SPRR2B: variants seen among roughly 807,000 people sequenced by gnomAD.
SPRR2B encodes small proline-rich protein 2B.
A neutral mutation model predicts 1.0 loss-of-function variants in SPRR2B; 1 was observed. The observed-to-expected ratio is 1.01, with a 90% CI of 0.36 to 4.77. The LOEUF (loss-of-function observed/expected upper bound fraction) is 4.77, where lower values mean the gene tolerates loss of function less well. Among genes scored for constraint, SPRR2B ranks in the 30% most tolerant of loss-of-function variants. The pLI is 0.16. For synonymous variants in SPRR2B, 27 were observed against 33.4 expected (o/e 0.81, Z 0.66); for missense variants, 53 against 88.7 (o/e 0.60, Z 1.62).
chr1:153,084,086 A>G, the SPRR2B span, among the ~76,000 whole-genome samples: 1 of 152,156 alleles, frequency 6.6e-6, no homozygotes, highest in African/African-American at 2.4e-5. Context: ...CCCACATTTT[A>G]GCCTTTGTGC....
chr1:153,077,977 T>C, the SPRR2B span, among the ~76,000 whole-genome samples: 2 of 152,104 alleles, frequency 1.3e-5, no homozygotes, highest in Non-Finnish European at 2.9e-5. Context: ...AATAAAATCA[T>C]TTTACTACAA....
the SPRR2B span, among the ~76,000 whole-genome samples, chr1:153,081,135 C>T: frequency 9.2e-5 from 14 of 152,108 alleles, no homozygotes; most frequent in African/African-American, 3.1e-4. Context: ...AGACACCTAC[C>T]GTGACACACC....
At chr1:153,086,868 TAAC>T in the SPRR2B span, among the ~76,000 whole-genome samples, 4 of 152,058 alleles carry the variant, frequency 2.6e-5, no homozygotes, top group African/African-American at 9.7e-5. Flanking sequence ...ACTGAAATAA[TAAC>T]AACCAATTTC....
At chr1:153,074,237 C>T (rs1654731227), upstream of SPRR2B, among the ~76,000 whole-genome samples, 1 of 152,084 alleles carries the variant, frequency 6.6e-6, no homozygotes, top group Non-Finnish European at 1.5e-5. Context: ...TCACGGAGAT[C>T]CATTCACTTT....
the SPRR2B span, among the ~76,000 whole-genome samples, chr1:153,085,380 T>C: frequency 1.3e-5 from 2 of 152,196 alleles, no homozygotes; most frequent in Non-Finnish European, 2.9e-5. Flanking sequence ...TTTTTTGTTA[T>C]GTCATAATGC....
chr1:153,079,433 C>T, the SPRR2B span, among the ~76,000 whole-genome samples: 1 of 152,146 alleles, frequency 6.6e-6, no homozygotes, highest in Non-Finnish European at 1.5e-5. Flanking sequence ...GCATGAAGTC[C>T]TTGCCCATGC....
the SPRR2B span, among the ~76,000 whole-genome samples, chr1:153,079,661 G>C: frequency 5.9e-5 from 9 of 152,144 alleles, no homozygotes; most frequent in Non-Finnish European, 1.2e-4. Context: ...GTTTGTCAAA[G>C]ATCAGATGGT....
At chr1:153,075,247 GC>G (rs1215549801), upstream of SPRR2B, among the ~76,000 whole-genome samples, 1 of 152,022 alleles carries the variant, frequency 6.6e-6, no homozygotes, top group Non-Finnish European at 1.5e-5. Context: ...GGAGGCTGAG[GC>G]ACAGAATTGC....
chr1:153,084,991 T>C, the SPRR2B span, among the ~76,000 whole-genome samples: 5 of 152,206 alleles, frequency 3.3e-5, no homozygotes, highest in African/African-American at 1.2e-4. Context: ...AACCTCAAGG[T>C]TATCAAATGA....
At chr1:153,077,083 G>C in the SPRR2B span, among the ~76,000 whole-genome samples, 1 of 152,158 alleles carries the variant, frequency 6.6e-6, no homozygotes, top group Admixed American at 6.5e-5. Context: ...TATCAAAAGA[G>C]AGAATCTTGA....
In SPRR2B at chr1:153,071,569, C is replaced by G. The variant is rs1222868784; in HGVS notation, c.-20G>C. Among the ~76,000 whole-genome samples the G allele has an allele frequency of 2.0e-5, 3 of 152,130 alleles. No individual in the cohort carries two copies. The highest frequency in any genetic ancestry group is 4.4e-5 in the Non-Finnish European group (3 of 68,024). On this transcript the variant is annotated splice_region_variant and 5_prime_UTR_variant, in exon 1 of 2. Coordinates refer to ENST00000368755, the MANE Select transcript of SPRR2B (RefSeq NM_001388198.1). ...ACAGAACTCAAGGAAGCAGACTAAC[C>G]AGTTTCTCCAAAGCAGATCGGTGCT...
At chr1:153,071,714 G>A (rs1391213987), upstream of SPRR2B, among the ~76,000 whole-genome samples, 1 of 152,138 alleles carries the variant, frequency 6.6e-6, no homozygotes, top group African/African-American at 2.4e-5. Flanking sequence ...CAACCAAAAT[G>A]CAAATTTATC....
chr1:153,082,926 G>T, the SPRR2B span, among the ~76,000 whole-genome samples: 1 of 152,086 alleles, frequency 6.6e-6, no homozygotes, highest in East Asian at 1.9e-4. Flanking sequence ...TCTTTGAAAA[G>T]TTCAACAAAC....
upstream of SPRR2B, among the ~76,000 whole-genome samples, chr1:153,074,207 CT>C (rs977792886): frequency 1.2e-4 from 18 of 152,048 alleles, no homozygotes; most frequent in African/African-American, 4.3e-4. Flanking sequence ...AATAATTGTT[CT>C]TTTTTTCATA....
upstream of SPRR2B, among the ~76,000 whole-genome samples, chr1:153,073,764 T>C (rs1654720712): frequency 6.6e-6 from 1 of 151,982 alleles, no homozygotes; most frequent in Non-Finnish European, 1.5e-5. Flanking sequence ...TCTATCTACA[T>C]GTCTAAAGAG....
chr1:153,083,600 A>G, the SPRR2B span, among the ~76,000 whole-genome samples: 26 of 152,156 alleles, frequency 1.7e-4, no homozygotes, highest in Non-Finnish European at 1.3e-4. Flanking sequence ...GTTAGGCTGA[A>G]AAGAGAGAAA....
At chr1:153,082,339 T>C in the SPRR2B span, among the ~76,000 whole-genome samples, 3 of 151,922 alleles carry the variant, frequency 2.0e-5, no homozygotes, top group African/African-American at 7.3e-5. Context: ...AAAACACAAA[T>C]TGGAAGAAAG....
chr1:153,086,291 T>C, the SPRR2B span, among the ~76,000 whole-genome samples: 106 of 152,254 alleles, frequency 7.0e-4, 1 homozygote, highest in African/African-American at 2.4e-3. Context: ...CAATCTCACA[T>C]ACAATGACCC....
rs747667805 is a variant in SPRR2B, at chr1:153,070,637, G to T, written c.203C>A (p.Pro68Gln). 1 of 1,612,296 alleles carries T rather than the reference G, an allele frequency of 6.2e-7. No homozygotes were observed. Among genetic ancestry groups the T allele is most frequent in the Admixed American group, 1.7e-5 (1 of 60,006 alleles). Residue 68 changes from proline (P) to glutamine (Q), a missense_variant, in exon 2 of 2, where the codon CCA becomes CAA. Coordinates refer to ENST00000368755, the MANE Select transcript of SPRR2B (RefSeq NM_001388198.1). Reference protein sequence around the residue: ...TPSPPCQPKYPPKSK With the variant: ...TPSPPCQPKYQPKSK ...CTGAAGCTGTTACTTGCTCTTCGGT[G>T]GATACTTTGGCTGGCAGGGTGGGGA...
Sources: allele counts gnomAD v4.1 joint callset (sites outside exome capture counted in the v4.1 genomes callset), GRCh38; gene constraint gnomAD v4.1.1; transcripts MANE v1.5; gene names NCBI Gene and HGNC (gene_info 2026-07-23, HGNC 2026-07-21).